Variants in ETV6 observed in about 807,000 individuals in gnomAD.
The protein encoded by ETV6 is ETS variant transcription factor 6.
ETV6 carries 16 observed loss-of-function variants against 51.1 expected under a neutral mutation model. The ratio of observed to expected loss-of-function variants is 0.31; its 90% CI spans 0.21 to 0.48. ETV6 has a LOEUF of 0.48. ETV6 is among the 20% of genes least tolerant of loss of function. The pLI, the probability that ETV6 is intolerant of heterozygous loss-of-function variation, is 0.99. For missense variants in ETV6, 458 were observed against 594.8 expected, an observed-to-expected ratio of 0.77 and a Z score of 2.39; for synonymous variants, 240 against 224.1, an observed-to-expected ratio of 1.07 and a Z score of -0.64.
At chr12:11,850,048 TC>T (rs916897497) in intron 3 of ETV6, among the ~76,000 whole-genome samples, 10 of 152,156 alleles carry the variant, frequency 6.6e-5, no homozygotes, top group African/African-American at 2.4e-4. Flanking sequence ...CTAAGTTTTT[TC>T]GTGACCCAGT....
chr12:11,752,233 G>A (rs1866044274), intron 1 of ETV6, among the ~76,000 whole-genome samples: 1 of 152,078 alleles, frequency 6.6e-6, no homozygotes, highest in Non-Finnish European at 1.5e-5. Flanking sequence ...TGTTTTCAAC[G>A]ATGGCAGAGT....
chr12:11,701,659 C>T (rs1288089174), intron 1 of ETV6, among the ~76,000 whole-genome samples: 1 of 152,172 alleles, frequency 6.6e-6, no homozygotes, highest in African/African-American at 2.4e-5. Context: ...CGCTTAGCAA[C>T]TGAGCAGCTA....
At chr12:11,756,584 ACT>A (rs1945011039) in intron 2 of ETV6, among the ~76,000 whole-genome samples, 1 of 152,134 alleles carries the variant, frequency 6.6e-6, no homozygotes, top group Non-Finnish European at 1.5e-5. Context: ...GTCACTCTTG[ACT>A]CTACGCAGAG....
chr12:11,690,149 G>A (rs957850403), intron 1 of ETV6, among the ~76,000 whole-genome samples: 4 of 151,554 alleles, frequency 2.6e-5, no homozygotes, highest in Non-Finnish European at 4.4e-5. Flanking sequence ...GAGGTGGCTC[G>A]CAGACTGAGA....
chr12:11,775,767 A>T (rs542285345), intron 2 of ETV6, among the ~76,000 whole-genome samples: 5 of 152,354 alleles, frequency 3.3e-5, no homozygotes, highest in Admixed American at 3.3e-4. Flanking sequence ...CCATACAAGC[A>T]GCGCATCCAA....
chr12:11,738,095 C>G (rs1865737912), intron 1 of ETV6, among the ~76,000 whole-genome samples: 2 of 151,972 alleles, frequency 1.3e-5, no homozygotes, highest in Admixed American at 1.3e-4. Context: ...TACCATGTAG[C>G]ATTCTTCGTT....
At chr12:11,669,379 C>CTCCCTCCA (rs1386445238) in intron 1 of ETV6, among the ~76,000 whole-genome samples, 13 of 148,782 alleles carry the variant, frequency 8.7e-5, no homozygotes, top group Admixed American at 1.3e-4. Flanking sequence ...CCCTTCCTCC[C>CTCCCTCCA]TCCCTCCCTC....
intron 1 of ETV6, among the ~76,000 whole-genome samples, chr12:11,682,328 C>T (rs1301696341): frequency 6.6e-6 from 1 of 152,160 alleles, no homozygotes. Context: ...TGATGATGAG[C>T]TTTTTTTCGT....
chr12:11,816,032 T>C (rs924378294), intron 2 of ETV6, among the ~76,000 whole-genome samples: 3 of 152,158 alleles, frequency 2.0e-5, no homozygotes, highest in African/African-American at 4.8e-5. Context: ...TGTATGTGGT[T>C]CACCAGGCAG....
chr12:11,693,249 G>A (rs1474473448), intron 1 of ETV6, among the ~76,000 whole-genome samples: 1 of 152,132 alleles, frequency 6.6e-6, no homozygotes, highest in African/African-American at 2.4e-5. Flanking sequence ...CATTTGCCAC[G>A]CAGGCCGTGG....
chr12:11,754,620 T>C (rs2121078159), intron 2 of ETV6, among the ~76,000 whole-genome samples: 1 of 152,382 alleles, frequency 6.6e-6, no homozygotes, highest in East Asian at 1.9e-4. Context: ...AAGAAAATGT[T>C]TAACAGCCTT....
chr12:11,720,562 A>G (rs1268380722), intron 1 of ETV6, among the ~76,000 whole-genome samples: 1 of 152,224 alleles, frequency 6.6e-6, no homozygotes, highest in Non-Finnish European at 1.5e-5. Context: ...ACCTTTCACC[A>G]TATACAAAAA....
chr12:11,758,016 GC>G (rs138361434), intron 2 of ETV6, among the ~76,000 whole-genome samples: 6,206 of 152,282 alleles, frequency 0.041, 203 homozygotes, highest in South Asian at 0.17. Context: ...GCCCTGATGG[GC>G]CAGCTCTGAG....
At chr12:11,679,594 C>T (rs1365511838) in intron 1 of ETV6, among the ~76,000 whole-genome samples, 1 of 152,180 alleles carries the variant, frequency 6.6e-6, no homozygotes, top group Non-Finnish European at 1.5e-5. Flanking sequence ...CTTGATGTTT[C>T]TCCGGTCTAT....
chr12:11,657,498 A>G (rs1263183203), intron 1 of ETV6, among the ~76,000 whole-genome samples: 1 of 152,266 alleles, frequency 6.6e-6, no homozygotes, highest in Non-Finnish European at 1.5e-5. Flanking sequence ...AAGATATCTA[A>G]CAAAAATGGT....
intron 1 of ETV6, among the ~76,000 whole-genome samples, chr12:11,687,451 A>G: frequency 1.3e-5 from 2 of 152,010 alleles, no homozygotes; most frequent in Admixed American, 1.3e-4. Flanking sequence ...CAAAGTGCCG[A>G]CATTACAGGC....
chr12:11,723,175 G>A (rs2416882), intron 1 of ETV6, among the ~76,000 whole-genome samples: 47,793 of 152,064 alleles, frequency 0.31, 8,223 homozygotes, highest in Non-Finnish European at 0.38. Flanking sequence ...AGGATTGTGA[G>A]TATTAAATGA....
chr12:11,652,348 T>A (rs948469883), intron 1 of ETV6, among the ~76,000 whole-genome samples: 2 of 152,226 alleles, frequency 1.3e-5, no homozygotes, highest in African/African-American at 4.8e-5. Context: ...TTATTCCAGG[T>A]CATCTGAAAT....
chr12:11,729,673 C>T (rs35716356), intron 1 of ETV6, among the ~76,000 whole-genome samples: 3,504 of 152,246 alleles, frequency 0.023, 55 homozygotes, highest in Non-Finnish European at 0.037. Flanking sequence ...GAACTCTTGA[C>T]TCAATACAGT....
Sources: allele counts gnomAD v4.1 joint callset (sites outside exome capture counted in the v4.1 genomes callset), GRCh38; gene constraint gnomAD v4.1.1; transcripts MANE v1.5; gene names NCBI Gene and HGNC (gene_info 2026-07-23, HGNC 2026-07-21).